The following TPM3 variants were observed in gnomAD, a reference collection of about 807,000 sequenced individuals.
TPM3 encodes tropomyosin 3, also known as tropomyosin alpha-3 chain.
In TPM3, 16 loss-of-function variants were observed where a neutral mutation model predicts 43.1. The ratio of observed to expected loss-of-function variants is 0.37; its 90% CI spans 0.25 to 0.56. The LOEUF is 0.56. Ranked by LOEUF, TPM3 falls within the 20% of genes least tolerant of loss-of-function variation. The pLI, the probability that TPM3 is intolerant of heterozygous loss-of-function variation, is 0.77. For synonymous variants in TPM3, 101 were observed against 116.9 expected (o/e 0.86, Z 0.88); for missense variants, 176 against 337.2 (o/e 0.52, Z 3.74).
chr1:154,170,775 C>T, intron 6 of TPM3, 64 bp from the exon 7 acceptor site: 1 of 1,091,888 alleles, frequency 9.2e-7, no homozygotes, highest in East Asian at 2.3e-5. Context: ...TACCCCCCTC[C>T]CTACATTTAA....
chr1:154,167,691 CCTT>C lies in TPM3; in HGVS notation c.*243_*245del. 1 of 1,372,324 alleles carries C rather than the reference CCTT, an allele frequency of 7.3e-7. No homozygotes were observed. Among genetic ancestry groups the C allele is most frequent in the East Asian group, 2.8e-5 (1 of 36,104 alleles). The allele number at this position is 1,372,324 out of a possible 1,614,324, so 85.0% of individuals were successfully genotyped here. A position where few individuals can be genotyped will look rare whatever the true frequency, so the allele number is the denominator to read the frequency against. On this transcript the variant is annotated 3_prime_UTR_variant, in exon 10 of 10. Coordinates refer to ENST00000651641, the MANE Select transcript of TPM3 (RefSeq NM_152263.4). ...TTCCCCACATCACACCCCCAAGGCTCCTTCTTAGGGACAGCAACAGCTTTGTCA... is the reference window on the plus strand; with the variant it reads ...TTCCCCACATCACACCCCCAAGGCTCCTTAGGGACAGCAACAGCTTTGTCA...
chr1:154,170,185 T>C, intron 8 of TPM3: 1 of 575,786 alleles, frequency 1.7e-6, no homozygotes, highest in South Asian at 2.0e-5. Context: ...TGCAGACTAT[T>C]TGGTAAAGTC....
intron 5 of TPM3, chr1:154,172,438 T>A (rs1661702466): frequency 1.9e-6 from 1 of 529,674 alleles, no homozygotes; most frequent in Non-Finnish European, 3.8e-6. Flanking sequence ...ATTTATTTGT[T>A]TTAGGGACAG....
Position 154,164,018 on chromosome 1 carries a change from C to T in TPM3, c.*3919G>A, listed in dbSNP as rs2148206680. On this transcript the variant is annotated 3_prime_UTR_variant, in exon 10 of 10. Coordinates refer to ENST00000651641, the MANE Select transcript of TPM3 (RefSeq NM_152263.4). ...ACCTGTACCCCATATGGATTCCCAACTCTCTTATGTCAACCTCTCTGCCTC... is the reference window on the plus strand; with the variant it reads ...ACCTGTACCCCATATGGATTCCCAATTCTCTTATGTCAACCTCTCTGCCTC... 6.6e-6 allele frequency among the ~76,000 whole-genome samples: 1 copy of T among 152,170 alleles called. No individual in the cohort carries two copies. Among genetic ancestry groups the T allele is most frequent in the Middle Eastern group, 3.4e-3 (1 of 294 alleles).
At chr1:154,157,798 C>T (rs1659962494), downstream of TPM3, 1 of 777,304 alleles carries the variant, frequency 1.3e-6, no homozygotes, top group East Asian at 2.4e-5. Flanking sequence ...AGACTTGCTC[C>T]TGTTGCAGAG....
intron 3 of TPM3, among the ~76,000 whole-genome samples, chr1:154,174,481 T>C (rs1345214286): frequency 3.5e-5 from 5 of 141,640 alleles, no homozygotes; most frequent in Non-Finnish European, 7.6e-5. Flanking sequence ...TTTTCCACAC[T>C]CTTTTTTTTC....
In TPM3 at chr1:154,184,018, T is replaced by C. The variant is rs1571445131; in HGVS notation, c.243+7168A>G. 2.0e-5 allele frequency among the ~76,000 whole-genome samples: 3 copies of C among 151,856 alleles called. No individual in the cohort carries two copies. In the South Asian group the frequency reaches 6.3e-4, roughly 32 times the overall value. ...GGGACTACAGGTGCACGCCACCCCG[T>C]CAGGCTCCCTGTTATTTTATTTATT... is the stretch of plus-strand genomic sequence containing the variant. On this transcript the variant is annotated intron_variant, in intron 2 of 9. Coordinates refer to ENST00000651641, the MANE Select transcript of TPM3 (RefSeq NM_152263.4).
intron 2 of TPM3, chr1:154,183,338 C>G (rs914539235): frequency 2.1e-6 from 3 of 1,446,408 alleles, no homozygotes; most frequent in Non-Finnish European, 2.7e-6. Flanking sequence ...TCCTCCCAGT[C>G]GCCCTGGAGT....
rs777512882 is a variant in TPM3 at position 154,165,941 on chromosome 1, C to G, written c.*1996G>C. Among the ~76,000 whole-genome samples, 2 of 152,174 alleles carry G rather than the reference C, an allele frequency of 1.3e-5. No homozygotes were observed. Among genetic ancestry groups the G allele is most frequent in the African/African-American group, 4.8e-5 (2 of 41,442 alleles). ...ATTCCCATAACACTATTATTTGTGGCATTCATCACACAGTATCTGTAGCTT... is the reference window on the plus strand; with the variant it reads ...ATTCCCATAACACTATTATTTGTGGGATTCATCACACAGTATCTGTAGCTT... On this transcript the variant is annotated 3_prime_UTR_variant, in exon 10 of 10. Coordinates refer to ENST00000651641, the MANE Select transcript of TPM3 (RefSeq NM_152263.4).
chr1:154,185,667 G>A (rs1299362709), intron 2 of TPM3, among the ~76,000 whole-genome samples: 5 of 149,844 alleles, frequency 3.3e-5, no homozygotes, highest in African/African-American at 1.0e-4. Context: ...CCGAGATCGC[G>A]CCACTGCACT....
Position 154,169,994 on chromosome 1 carries a change from GGATA to G in TPM3, c.775+402_775+405del, listed in dbSNP as rs1661397396. 1.5e-5 allele frequency: 4 copies of G among 275,324 alleles called. No individual in the cohort carries two copies. In the South Asian group the frequency reaches 1.6e-4, roughly 11 times the overall value. The allele number at this position is 275,324 out of a possible 1,614,324, so 17.1% of individuals were successfully genotyped here. A position where few individuals can be genotyped will look rare whatever the true frequency, so the allele number is the denominator to read the frequency against. ...TGGTTATTCCACAACTTCATTTATT[GGATA>G]AATACCCGACAACTTGAGTGGCAAA... On this transcript the variant is annotated intron_variant, in intron 8 of 9. Transcript: ENST00000651641.
rs1361193580 is a variant in TPM3, at chr1:154,170,718, G to T, written c.643-7C>A. On this transcript the variant is annotated splice_region_variant and splice_polypyrimidine_tract_variant and intron_variant, in intron 6 of 9. Transcript: ENST00000651641. ...TATCTTCTTTTTGAGAGTACTGTAA[G>T]ATAAGTAGATTAAAAATTTCAGAGT... is the stretch of plus-strand genomic sequence containing the variant. 6.3e-7 allele frequency: 1 copy of T among 1,589,826 alleles called. No individual in the cohort carries two copies. The highest frequency in any genetic ancestry group is 1.7e-5 in the Admixed American group (1 of 59,968).
chr1:154,167,214 G>C lies in TPM3; in HGVS notation c.*723C>G. 1 of 793,354 alleles carries C rather than the reference G, an allele frequency of 1.3e-6. No homozygotes were observed. The highest frequency in any genetic ancestry group is 1.5e-6 in the Non-Finnish European group (1 of 655,052). 49.1% of individuals were successfully genotyped at this position (793,354 alleles called of 1,614,324 possible). On this transcript the variant is annotated 3_prime_UTR_variant, in exon 10 of 10. Transcript: ENST00000651641. ...AGCAAGTCTCAAATATGTAAGAAAGGTTTAAAGAAGAAAAAGTAAAAAAAC... is the reference window on the plus strand; with the variant it reads ...AGCAAGTCTCAAATATGTAAGAAAGCTTTAAAGAAGAAAAAGTAAAAAAAC...
At chr1:154,174,405 T>TATATATATATATATATAC (rs1553249385) in intron 3 of TPM3, among the ~76,000 whole-genome samples, 3 of 89,528 alleles carry the variant, frequency 3.4e-5, no homozygotes, top group Non-Finnish European at 4.3e-5. Flanking sequence ...TATATATATA[T>TATATATATATATATATAC]ATACACACAA....
At chr1:154,170,791 A>AT in intron 6 of TPM3, 80 bp from the exon 7 acceptor site, 1 of 960,740 alleles carries the variant, frequency 1.0e-6, no homozygotes. Flanking sequence ...TTTAACTTAC[A>AT]TTGAATATCC....
At chr1:154,157,630 T>TGGGG (rs1491420846), downstream of TPM3, 2 of 777,360 alleles carry the variant, frequency 2.6e-6, no homozygotes, top group Non-Finnish European at 4.8e-6. Flanking sequence ...AGGGTGGGAC[T>TGGGG]GGGGCGTTCT....
At chr1:154,176,056 CT>C in intron 3 of TPM3, 58 bp downstream of exon 3, 2 of 1,610,672 alleles carry the variant, frequency 1.2e-6, no homozygotes, top group Non-Finnish European at 1.7e-6. Context: ...ATAAGGAAAT[CT>C]TGATCAGAAC....
Position 154,176,187 on chromosome 1 carries a change from C to T in TPM3, c.305G>A (p.Arg102His). 3.1e-6 allele frequency: 5 copies of T among 1,614,198 alleles called. No individual in the cohort carries two copies. Among genetic ancestry groups the T allele is most frequent in the Non-Finnish European group, 4.2e-6 (5 of 1,180,044 alleles). The change falls in exon 3 of 10, where the codon CGT becomes CAT. Residue 102 changes from arginine (R) to histidine (H), a missense_variant. Arg to His is a conservative substitution (Grantham distance 29). Around this residue, in one of 4 missense-constraint regions of TPM3, gnomAD observed 82 missense variants for 148.8 expected, o/e 0.55. Coordinates refer to ENST00000651641, the MANE Select transcript of TPM3 (RefSeq NM_152263.4). ...GGCAGTGGCCAGGCGCTCCTGAGCA[C>T]GGTCCAGCTCTTCTTCAACCAGCTG... ...RIQLVEEELD[R>H]AQERLATALQ...
chr1:154,185,103 G>A, intron 2 of TPM3, among the ~76,000 whole-genome samples: 1 of 152,112 alleles, frequency 6.6e-6, no homozygotes, highest in East Asian at 1.9e-4. Context: ...CAGATGTGGT[G>A]GCTCATGCCT....
Sources: gnomAD v4.1 joint callset for allele counts (sites outside exome capture counted in the v4.1 genomes callset) on GRCh38, gnomAD v4.1.1 for gene constraint, gnomAD v4.1.1 regional missense constraint, MANE v1.5 for transcripts, NCBI Gene and HGNC (gene_info 2026-07-23, HGNC 2026-07-21) for gene names.